The following AGBL4 variants were observed in gnomAD, a reference collection of about 807,000 sequenced individuals.
AGBL4 encodes AGBL carboxypeptidase 4.
A neutral mutation model predicts 66.4 loss-of-function variants in AGBL4; 58 were observed. That is an observed-to-expected ratio of 0.87 (90% CI 0.71 to 1.09). The LOEUF (loss-of-function observed/expected upper bound fraction) is 1.09, where lower values mean the gene tolerates loss of function less well. Among genes scored for constraint, AGBL4 ranks in the 50% least tolerant of loss-of-function variants. The pLI, the probability that AGBL4 is intolerant of heterozygous loss-of-function variation, is 0.00. For missense variants in AGBL4, 579 were observed against 631.0 expected (o/e 0.92, Z 0.88); for synonymous variants, 234 against 222.9 (o/e 1.05, Z -0.44).
chr1:49,454,534 C>A (rs1457154011), intron 3 of AGBL4, among the ~76,000 whole-genome samples: 4 of 151,634 alleles, frequency 2.6e-5, no homozygotes, highest in African/African-American at 9.7e-5. Flanking sequence ...TCTGTTCTTC[C>A]ATGGTAGAAG....
At chr1:49,191,664 T>C (rs962451326) in intron 4 of AGBL4, among the ~76,000 whole-genome samples, 3 of 152,184 alleles carry the variant, frequency 2.0e-5, no homozygotes, top group Non-Finnish European at 4.4e-5. Context: ...GTTTTTATGT[T>C]CATGAATACT....
intron 6 of AGBL4, chr1:48,742,647 G>T (rs750400862): frequency 6.2e-7 from 1 of 1,603,876 alleles, no homozygotes; most frequent in Admixed American, 1.7e-5. Context: ...GGATATACTT[G>T]TCCATGACAG....
chr1:49,954,057 C>A (rs553295021), intron 1 of AGBL4, among the ~76,000 whole-genome samples: 1 of 151,890 alleles, frequency 6.6e-6, no homozygotes, highest in African/African-American at 2.4e-5. Flanking sequence ...CTCCACCCAG[C>A]TAATTTTTCT....
chr1:49,873,085 TTA>T (rs888101556), intron 1 of AGBL4, among the ~76,000 whole-genome samples: 2 of 151,528 alleles, frequency 1.3e-5, no homozygotes, highest in Non-Finnish European at 2.9e-5. Flanking sequence ...GCAATGTATT[TTA>T]TATATATATA....
intron 3 of AGBL4, among the ~76,000 whole-genome samples, chr1:49,539,992 A>C (rs1012597852): frequency 6.6e-5 from 10 of 152,188 alleles, no homozygotes; most frequent in Non-Finnish European, 1.5e-4. Flanking sequence ...AATTAAGGGC[A>C]AATTTTGCAT....
intron 3 of AGBL4, among the ~76,000 whole-genome samples, chr1:49,651,183 T>C (rs1230645404): frequency 2.6e-5 from 4 of 152,094 alleles, no homozygotes; most frequent in African/African-American, 7.2e-5. Context: ...AGTCTATTAA[T>C]TGAAGATCAT....
chr1:49,897,225 C>A (rs1649312800), intron 1 of AGBL4, among the ~76,000 whole-genome samples: 1 of 151,852 alleles, frequency 6.6e-6, no homozygotes, highest in Admixed American at 6.6e-5. Flanking sequence ...AGGACTCCAC[C>A]AGAAAACTAT....
intron 2 of AGBL4, among the ~76,000 whole-genome samples, chr1:49,810,261 A>G (rs1192425989): frequency 3.3e-5 from 5 of 152,140 alleles, no homozygotes; most frequent in Non-Finnish European, 5.9e-5. Context: ...ATAACTTACT[A>G]CTAGATACAA....
chr1:49,398,333 TTCTCTCTCTCTCTCTC>T (rs36025670), intron 3 of AGBL4, among the ~76,000 whole-genome samples: 40 of 143,600 alleles, frequency 2.8e-4, no homozygotes, highest in Admixed American at 8.3e-4. Context: ...CTCTCTCTCT[TTCTCTCTCTCTCTCTC>T]TCTCTCTCTC....
chr1:49,256,500 G>A (rs531679234), intron 3 of AGBL4, among the ~76,000 whole-genome samples: 26 of 151,956 alleles, frequency 1.7e-4, no homozygotes, highest in Admixed American at 9.2e-4. Context: ...ACTTCAAAAC[G>A]CAAAACTATA....
intron 6 of AGBL4, among the ~76,000 whole-genome samples, chr1:48,715,519 C>T (rs1647035711): frequency 6.6e-6 from 1 of 152,186 alleles, no homozygotes; most frequent in African/African-American, 2.4e-5. Context: ...CTGCTCTACC[C>T]CATTATCCTG....
chr1:48,705,748 G>C (rs572929254), intron 6 of AGBL4, among the ~76,000 whole-genome samples: 1 of 152,262 alleles, frequency 6.6e-6, no homozygotes, highest in South Asian at 2.1e-4. Context: ...TAAATAGAAA[G>C]CAGAGGTGAC....
At chr1:49,998,214 G>A (rs928897384) in intron 1 of AGBL4, among the ~76,000 whole-genome samples, 1 of 151,822 alleles carries the variant, frequency 6.6e-6, no homozygotes, top group African/African-American at 2.4e-5. Flanking sequence ...AAAGAAGAGA[G>A]AAGATCCAAA....
At chr1:49,196,658 G>A (rs957916641) in intron 4 of AGBL4, among the ~76,000 whole-genome samples, 2 of 151,224 alleles carry the variant, frequency 1.3e-5, no homozygotes, top group Non-Finnish European at 2.9e-5. Context: ...ATTTACTTTT[G>A]GTGGGGTGAG....
intron 6 of AGBL4, chr1:48,776,573 G>GGTCCCACCGTCCCTCCCCGCCCGC: frequency 7.3e-7 from 1 of 1,361,884 alleles, no homozygotes; most frequent in Non-Finnish European, 9.5e-7. Flanking sequence ...CCCCCGCCCG[G>GGTCCCACCGTCCCTCCCCGCCCGC]GTCCCACCGT....
At chr1:49,394,175 G>A (rs750953408) in intron 3 of AGBL4, among the ~76,000 whole-genome samples, 3 of 151,872 alleles carry the variant, frequency 2.0e-5, no homozygotes, top group Non-Finnish European at 2.9e-5. Flanking sequence ...GACCTTCCTG[G>A]AGTATTTCAT....
chr1:49,731,138 C>A (rs1451599217), intron 2 of AGBL4, among the ~76,000 whole-genome samples: 1 of 152,156 alleles, frequency 6.6e-6, no homozygotes. Context: ...TGCCTAGTTA[C>A]AAGTTGTTGG....
At chr1:49,255,982 G>C (rs972718150) in intron 3 of AGBL4, among the ~76,000 whole-genome samples, 1 of 151,996 alleles carries the variant, frequency 6.6e-6, no homozygotes, top group African/African-American at 2.4e-5. Context: ...ACACAGAGGG[G>C]AACAACACAC....
At chr1:49,833,124 T>C (rs1437125533) in intron 2 of AGBL4, among the ~76,000 whole-genome samples, 1 of 152,228 alleles carries the variant, frequency 6.6e-6, no homozygotes, top group African/African-American at 2.4e-5. Context: ...TTTATGGTTT[T>C]AGGTCTAAGG....
Sources: gnomAD v4.1 joint callset for allele counts (sites outside exome capture counted in the v4.1 genomes callset) on GRCh38, gnomAD v4.1.1 for gene constraint, MANE v1.5 for transcripts, NCBI Gene and HGNC (gene_info 2026-07-23, HGNC 2026-07-21) for gene names.